The following MGMT variants were observed in gnomAD, a reference collection of about 807,000 sequenced individuals.
MGMT encodes the protein O-6-methylguanine-DNA methyltransferase, also known as methylated-DNA--protein-cysteine methyltransferase.
MGMT carries 14 observed loss-of-function variants against 15.9 expected under a neutral mutation model. The observed-to-expected ratio is 0.88, with a 90% CI of 0.58 to 1.37. The LOEUF (loss-of-function observed/expected upper bound fraction) is 1.37. MGMT is among the 40% of genes most tolerant of loss of function. The pLI is 0.00. For missense variants in MGMT, 282 were observed against 268.1 expected (o/e 1.05, Z -0.36); for synonymous variants, 130 against 118.2 (o/e 1.10, Z -0.65).
intron 1 of MGMT, among the ~76,000 whole-genome samples, chr10:129,526,285 A>C (rs1211603884): frequency 4.6e-5 from 7 of 152,240 alleles, no homozygotes; most frequent in Non-Finnish European, 1.0e-4. Context: ...ATGAGTCCTG[A>C]GGATGAGAGG....
chr10:129,620,163 G>C (rs1397162765), intron 2 of MGMT, among the ~76,000 whole-genome samples: 1 of 152,196 alleles, frequency 6.6e-6, no homozygotes. Flanking sequence ...TTCAAAACTA[G>C]ACATTAACTT....
At chr10:129,676,881 T>C (rs549386759) in intron 2 of MGMT, among the ~76,000 whole-genome samples, 1 of 152,330 alleles carries the variant, frequency 6.6e-6, no homozygotes, top group South Asian at 2.1e-4. Context: ...CTGGGCATTA[T>C]GAGTGTATTT....
intron 2 of MGMT, among the ~76,000 whole-genome samples, chr10:129,562,183 A>G (rs1246223666): frequency 1.3e-5 from 2 of 152,184 alleles, no homozygotes; most frequent in Non-Finnish European, 2.9e-5. Flanking sequence ...AAATCCTTCA[A>G]AACACTCCGT....
intron 2 of MGMT, among the ~76,000 whole-genome samples, chr10:129,698,115 G>A (rs1207678346): frequency 6.6e-6 from 1 of 152,168 alleles, no homozygotes; most frequent in Non-Finnish European, 1.5e-5. Context: ...CCCTCAGCCG[G>A]GCAGGGCAAG....
intron 2 of MGMT, among the ~76,000 whole-genome samples, chr10:129,631,083 C>T (rs1847204559): frequency 1.3e-5 from 2 of 152,104 alleles, no homozygotes; most frequent in Admixed American, 6.6e-5. Context: ...GCTCGTGTTT[C>T]CCATCCATGT....
intron 2 of MGMT, among the ~76,000 whole-genome samples, chr10:129,582,431 G>C (rs535535695): frequency 1.3e-5 from 2 of 152,314 alleles, no homozygotes; most frequent in East Asian, 3.9e-4. Context: ...AAATAACATC[G>C]TAAGTCCTTA....
At chr10:129,756,007 C>A (rs554216935) in intron 3 of MGMT, among the ~76,000 whole-genome samples, 1 of 152,160 alleles carries the variant, frequency 6.6e-6, no homozygotes, top group Non-Finnish European at 1.5e-5. Context: ...CACTCCATGG[C>A]GTGGCATGAA....
intron 1 of MGMT, among the ~76,000 whole-genome samples, chr10:129,489,454 G>A (rs999405782): frequency 4.0e-5 from 6 of 151,322 alleles, no homozygotes; most frequent in African/African-American, 1.5e-4. Context: ...TTCTTTTGGG[G>A]CCTTTGCTCA....
In MGMT at chr10:129,469,889, T is replaced by C. The variant is rs920411116; in HGVS notation, c.-13+2593T>C. ...ACCTGGCTAATTGTTGTTGTTGTTG[T>C]TTTTAGAGGCCAGGGTCTCCGTATG... On this transcript the variant is annotated intron_variant, in intron 1 of 4. Transcript: ENST00000651593. Among the ~76,000 whole-genome samples the C allele has an allele frequency of 9.9e-5, 15 of 151,976 alleles. No homozygotes were observed. In the East Asian group the frequency reaches 2.9e-3, roughly 29 times the overall value.
chr10:129,757,535 C>A (rs986333646), intron 3 of MGMT, among the ~76,000 whole-genome samples: 2 of 152,324 alleles, frequency 1.3e-5, no homozygotes, highest in East Asian at 1.9e-4. Context: ...CTGCTTCTTG[C>A]GGTATTGACG....
intron 2 of MGMT, among the ~76,000 whole-genome samples, chr10:129,550,594 A>C (rs1440021120): frequency 6.6e-6 from 1 of 151,774 alleles, no homozygotes; most frequent in Non-Finnish European, 1.5e-5. Flanking sequence ...TTACAGGTGC[A>C]CGCCACCACG....
intron 3 of MGMT, among the ~76,000 whole-genome samples, chr10:129,743,093 T>G (rs1484303186): frequency 6.6e-6 from 1 of 152,122 alleles, no homozygotes; most frequent in Admixed American, 6.5e-5. Context: ...GCTATGTGGG[T>G]GGTATATGGT....
At chr10:129,716,948 A>T (rs1160383748) in intron 3 of MGMT, among the ~76,000 whole-genome samples, 1 of 152,236 alleles carries the variant, frequency 6.6e-6, no homozygotes, top group Non-Finnish European at 1.5e-5. Flanking sequence ...TATTTTACTA[A>T]GAAAAAAGGC....
chr10:129,573,120 T>G (rs1311267645), intron 2 of MGMT, among the ~76,000 whole-genome samples: 2 of 152,174 alleles, frequency 1.3e-5, no homozygotes, highest in East Asian at 3.9e-4. Flanking sequence ...CATTGATTGT[T>G]TGGGGTTCCT....
chr10:129,551,479 G>C (rs1846155812), intron 2 of MGMT, among the ~76,000 whole-genome samples: 1 of 152,060 alleles, frequency 6.6e-6, no homozygotes, highest in Non-Finnish European at 1.5e-5. Flanking sequence ...CGCAGGCCAG[G>C]GCACCCTCAG....
rs551293572 is a variant in MGMT, at chr10:129,487,903, C to T, written c.-13+20607C>T. Among the ~76,000 whole-genome samples, 3 of 142,470 alleles carry T rather than the reference C, an allele frequency of 2.1e-5. No individual in the cohort carries two copies. In the East Asian group the frequency reaches 6.7e-4, roughly 32 times the overall value. The allele number at this position is 142,470 out of a possible 152,430, so 93.5% of individuals were successfully genotyped here. On this transcript the variant is annotated intron_variant, in intron 1 of 4. Transcript: ENST00000651593. Reference sequence around the variant, plus strand: ...GAGACTGTGTGTGTGTATATATATACCATATAGGGGTGTGTGTGTGTGTGT... The same window carrying T: ...GAGACTGTGTGTGTGTATATATATATCATATAGGGGTGTGTGTGTGTGTGT...
intron 2 of MGMT, among the ~76,000 whole-genome samples, chr10:129,570,361 C>G (rs559309691): frequency 6.6e-6 from 1 of 152,274 alleles, no homozygotes; most frequent in Non-Finnish European, 1.5e-5. Context: ...AGTCCAGTGA[C>G]GCTGATTGAG....
At chr10:129,569,302 G>A (rs1846390976) in intron 2 of MGMT, among the ~76,000 whole-genome samples, 1 of 152,178 alleles carries the variant, frequency 6.6e-6, no homozygotes, top group African/African-American at 2.4e-5. Flanking sequence ...GGTGAGGGTG[G>A]CAATGGAAAT....
At chr10:129,623,021 G>C (rs919688336) in intron 2 of MGMT, among the ~76,000 whole-genome samples, 1 of 152,192 alleles carries the variant, frequency 6.6e-6, no homozygotes, top group South Asian at 2.1e-4. Context: ...GTGGCCACCT[G>C]CAGAGGAGCC....
Sources: gnomAD v4.1 joint callset for allele counts (sites outside exome capture counted in the v4.1 genomes callset) on GRCh38, gnomAD v4.1.1 for gene constraint, MANE v1.5 for transcripts, NCBI Gene and HGNC (gene_info 2026-07-23, HGNC 2026-07-21) for gene names.